MCF2: variants seen among roughly 807,000 people sequenced by gnomAD.
MCF2 encodes the protein proto-oncogene DBL.
MCF2 carries 44 observed loss-of-function variants against 82.5 expected under a neutral mutation model. That is an observed-to-expected ratio of 0.53 (90% CI 0.42 to 0.69). MCF2 has a LOEUF of 0.69. MCF2 is among the 30% of genes least tolerant of loss of function. MCF2 has a pLI of 0.00. For missense variants in MCF2, 623 were observed against 663.1 expected (o/e 0.94, Z 0.66); for synonymous variants, 217 against 224.9 (o/e 0.96, Z 0.32).
chrX:139,597,416 A>G, intron 18 of MCF2, 44 bp downstream of exon 22: 3 of 1,067,878 alleles, frequency 2.8e-6, no homozygotes, highest in Non-Finnish European at 3.9e-6. Context: ...GGATGTTGAG[A>G]TGCCGACCCT....
At chrX:139,643,804 C>A (rs1381413294), upstream of MCF2, among the ~76,000 whole-genome samples, 1 of 111,215 alleles carries the variant, frequency 9.0e-6, no homozygotes, top group Non-Finnish European at 1.9e-5. Context: ...AAAATAGAAC[C>A]TCTGTTACAA....
intron 1 of MCF2, among the ~76,000 whole-genome samples, chrX:139,699,415 A>G (rs1317308532): frequency 8.9e-6 from 1 of 112,125 alleles, no homozygotes; most frequent in Non-Finnish European, 1.9e-5. Context: ...GTTTTAATAT[A>G]TTCACAGAGA....
chrX:139,600,584 A>T (rs1930466439), intron 16 of MCF2, among the ~76,000 whole-genome samples: 3 of 111,825 alleles, frequency 2.7e-5, no homozygotes, highest in South Asian at 7.4e-4. Context: ...TGCTACCACA[A>T]CACTAGCATC....
chrX:139,585,964 C>A (rs2148385579), intron 23 of MCF2, among the ~76,000 whole-genome samples: 2 of 112,223 alleles, frequency 1.8e-5, no homozygotes, highest in South Asian at 7.5e-4. Context: ...GTGAAATGCG[C>A]ATTCCTTGAA....
chrX:139,589,004 A>C (rs887447895), intron 20 of MCF2, among the ~76,000 whole-genome samples: 1 of 111,359 alleles, frequency 9.0e-6, no homozygotes, highest in East Asian at 2.8e-4. Context: ...GTGAAATATA[A>C]TTTCACTTAT....
intron 1 of MCF2, among the ~76,000 whole-genome samples, chrX:139,659,424 T>C (rs751033176): frequency 1.7e-3 from 190 of 112,535 alleles, no homozygotes; most frequent in African/African-American, 5.6e-3. Flanking sequence ...GGGCTAATGA[T>C]AGCTTAAAAA....
chrX:139,676,721 T>C (rs1418838514), intron 1 of MCF2, among the ~76,000 whole-genome samples: 1 of 112,122 alleles, frequency 8.9e-6, no homozygotes, highest in Non-Finnish European at 1.9e-5. Context: ...CTTACCTTAG[T>C]GTATAGTAAG....
chrX:139,659,645 C>T (rs1030413963), intron 1 of MCF2, among the ~76,000 whole-genome samples: 2 of 111,769 alleles, frequency 1.8e-5, no homozygotes, highest in African/African-American at 6.5e-5. Flanking sequence ...CGTGCCATGT[C>T]ATCCAAGCAC....
chrX:139,664,331 A>C lies in MCF2; in HGVS notation c.-44-12543T>G, dbSNP rs72616291. Reference sequence around the variant, plus strand: ...TTTAAAACAAAAAACAAAAAAAAAAAACCATTTTTGATGTAAAATCTGCTT... The same window carrying C: ...TTTAAAACAAAAAACAAAAAAAAAACACCATTTTTGATGTAAAATCTGCTT... On this transcript the variant is annotated intron_variant, in intron 1 of 27. Transcript: ENST00000414978. Among the ~76,000 whole-genome samples, 111 of 112,042 alleles carry C rather than the reference A, an allele frequency of 9.9e-4. 1 individual carries two copies. The East Asian group carries it at 0.027, about 27-fold the overall frequency.
chrX:139,586,205 C>G (rs761554709), intron 23 of MCF2, among the ~76,000 whole-genome samples, 173 bp downstream of exon 27: 5 of 112,014 alleles, frequency 4.5e-5, no homozygotes, highest in African/African-American at 1.3e-4. Context: ...AACCAATACT[C>G]TCTAGTGCCC....
chrX:139,598,361 C>A (rs1269611135), intron 17 of MCF2, 45 bp downstream of exon 21: 7 of 875,605 alleles, frequency 8.0e-6, no homozygotes, highest in Non-Finnish European at 1.2e-5. Flanking sequence ...TCTGTCATAT[C>A]TGACTCAAAA....
intron 1 of MCF2, among the ~76,000 whole-genome samples, chrX:139,703,603 C>T (rs186861031): frequency 1.6e-3 from 174 of 111,190 alleles, no homozygotes; most frequent in African/African-American, 5.4e-3. Context: ...GGCATGATGG[C>T]GGGTGCCTGT....
rs760398616 is a variant in MCF2 at position 139,632,437 on chromosome X, G to A, written c.69C>T (p.Asn23=). 5.0e-6 allele frequency: 6 copies of A among 1,202,284 alleles called. No individual in the cohort carries two copies. The South Asian group carries it at 9.1e-5, about 18-fold the overall frequency. The change falls in exon 2 of 25, where the codon AAC becomes AAT. Residue 23 remains asparagine, a synonymous_variant. Coordinates refer to ENST00000370576, the Ensembl canonical transcript of MCF2. ...GACGTAAAACCAAAACCAAGTGCAA[G>A]TTCCCAGGGAAGGAAGCCTGTAGAA...
intron 2 of MCF2, among the ~76,000 whole-genome samples, chrX:139,650,764 C>G (rs896294711): frequency 4.5e-5 from 5 of 111,847 alleles, no homozygotes; most frequent in African/African-American, 1.6e-4. Context: ...TCACAATAGC[C>G]AAACGGTAGA....
At chrX:139,614,245 G>T (rs1199143667) in intron 10 of MCF2, among the ~76,000 whole-genome samples, 1 of 111,348 alleles carries the variant, frequency 9.0e-6, no homozygotes, top group Non-Finnish European at 1.9e-5. Context: ...ATCTTACATG[G>T]ATAAAACTAG....
intron 12 of MCF2, 53 bp downstream of exon 16, chrX:139,607,632 TGAACCA>T: frequency 1.2e-6 from 1 of 848,232 alleles, no homozygotes; most frequent in African/African-American, 2.0e-5. Flanking sequence ...CCTTGAACAC[TGAACCA>T]GACTCCCACA....
intron 1 of MCF2, among the ~76,000 whole-genome samples, chrX:139,656,295 C>T (rs889409153): frequency 1.8e-5 from 2 of 111,565 alleles, no homozygotes; most frequent in Admixed American, 9.5e-5. Flanking sequence ...ATCTCCTGAC[C>T]TCGTGATCCG....
chrX:139,647,495 G>A (rs1025163247), upstream of MCF2, among the ~76,000 whole-genome samples: 2 of 111,582 alleles, frequency 1.8e-5, no homozygotes, highest in African/African-American at 6.5e-5. Flanking sequence ...TAGGGGTCCA[G>A]GCAGAGGTGT....
intron 1 of MCF2, among the ~76,000 whole-genome samples, chrX:139,688,035 A>G (rs780194394): frequency 8.9e-6 from 1 of 111,942 alleles, no homozygotes; most frequent in African/African-American, 3.2e-5. Flanking sequence ...ATTAGGCAAT[A>G]ACAACTGGCC....
Sources: allele counts gnomAD v4.1 joint callset (sites outside exome capture counted in the v4.1 genomes callset), GRCh38; gene constraint gnomAD v4.1.1; transcripts MANE v1.5; gene names NCBI Gene and HGNC (gene_info 2026-07-23, HGNC 2026-07-21).